STK3: variants seen among roughly 807,000 people sequenced by gnomAD.
The protein encoded by STK3 is serine/threonine-protein kinase 3.
Under a neutral mutation model 58.0 loss-of-function variants are expected in STK3, and 41 were observed. The observed-to-expected ratio is 0.71, with a 90% CI of 0.55 to 0.92. The LOEUF is 0.92. STK3 is among the 40% of genes least tolerant of loss of function. STK3 has a pLI of 0.00. For synonymous variants in STK3, 170 were observed against 191.0 expected, an observed-to-expected ratio of 0.89 and a Z score of 0.91; for missense variants, 479 against 602.7, an observed-to-expected ratio of 0.79 and a Z score of 2.15.
chr8:98,607,666 G>A (rs1218837059), intron 6 of STK3, among the ~76,000 whole-genome samples: 1 of 152,144 alleles, frequency 6.6e-6, no homozygotes, highest in African/African-American at 2.4e-5. Context: ...ATTGCATGTT[G>A]AACTACAGCT....
At chr8:98,578,962 C>T (rs1005382122) in intron 8 of STK3, among the ~76,000 whole-genome samples, 16 of 152,086 alleles carry the variant, frequency 1.1e-4, no homozygotes, top group African/African-American at 3.6e-4. Context: ...ACCAGCCTGG[C>T]CAAAATGGTG....
intron 6 of STK3, among the ~76,000 whole-genome samples, chr8:98,703,197 C>T (rs1010828292): frequency 6.6e-6 from 1 of 151,854 alleles, no homozygotes; most frequent in Non-Finnish European, 1.5e-5. Flanking sequence ...TTTTGTTAGC[C>T]GCTCCTCCAC....
intron 4 of STK3, among the ~76,000 whole-genome samples, chr8:98,728,825 G>C (rs542893570): frequency 6.6e-6 from 1 of 152,092 alleles, no homozygotes; most frequent in Non-Finnish European, 1.5e-5. Context: ...ATATCAAAAA[G>C]ATGTCTACTA....
chr8:98,501,969 G>A (rs952722672), intron 10 of STK3, among the ~76,000 whole-genome samples: 6 of 152,192 alleles, frequency 3.9e-5, no homozygotes, highest in Non-Finnish European at 5.9e-5. Flanking sequence ...GACGGCGATG[G>A]CATTGAATCT....
intron 10 of STK3, among the ~76,000 whole-genome samples, chr8:98,485,679 A>C (rs1000206903): frequency 6.6e-6 from 1 of 152,226 alleles, no homozygotes; most frequent in African/African-American, 2.4e-5. Flanking sequence ...CAATTGTACA[A>C]GTAAAGACAA....
In STK3 at chr8:98,558,543, A is replaced by T. The variant is rs530282069; in HGVS notation, c.949-10382T>A. ...AATTTATAGAAGTATACAAAAGTAA[A>T]TAATGAATATTCATATTAATTTATC... On this transcript the variant is annotated intron_variant, in intron 8 of 10. Transcript: ENST00000419617. Among the ~76,000 whole-genome samples, 12 of 152,290 alleles carry T rather than the reference A, an allele frequency of 7.9e-5. No homozygotes were observed. The South Asian group carries it at 2.5e-3, about 32-fold the overall frequency.
chr8:98,738,243 C>T (rs1012476785), intron 4 of STK3, among the ~76,000 whole-genome samples: 5 of 151,956 alleles, frequency 3.3e-5, no homozygotes, highest in South Asian at 2.1e-4. Context: ...TTTAGATGAC[C>T]GGGTGGATCA....
intron 3 of STK3, among the ~76,000 whole-genome samples, chr8:98,852,140 TC>T (rs1297531405): frequency 1.9e-4 from 28 of 149,510 alleles, no homozygotes; most frequent in African/African-American, 7.2e-4. Flanking sequence ...AAGCTAATTT[TC>T]TTTTTTTTTT....
chr8:98,817,470 T>C (rs868467247), intron 1 of STK3, among the ~76,000 whole-genome samples: 4 of 95,986 alleles, frequency 4.2e-5, no homozygotes, highest in African/African-American at 1.2e-4. Flanking sequence ...AAAAAAAAAA[T>C]AGAAATCAGT....
intron 2 of STK3, among the ~76,000 whole-genome samples, chr8:98,771,700 G>C (rs975930266): frequency 3.9e-5 from 6 of 152,096 alleles, no homozygotes; most frequent in African/African-American, 1.4e-4. Context: ...AAGTAGCTGG[G>C]ATTACAGGCA....
At chr8:98,543,650 T>C (rs1810464417) in intron 9 of STK3, among the ~76,000 whole-genome samples, 1 of 152,202 alleles carries the variant, frequency 6.6e-6, no homozygotes, top group African/African-American at 2.4e-5. Flanking sequence ...TTTCACTTTT[T>C]TTCTGTAAAG....
rs957101614 is a variant in STK3, at chr8:98,800,863, GC to G, written c.26+24651del. 2.6e-5 allele frequency among the ~76,000 whole-genome samples: 4 copies of G among 152,002 alleles called. No homozygotes were observed. In the East Asian group the frequency reaches 5.8e-4, roughly 22 times the overall value. The stretch of plus-strand genomic sequence containing the variant: ...AGGACCTGCAGCCCCCCATGCCAGA[GC>G]CCCCCCCACCAAGGTGGGCTCCCGT... On this transcript the variant is annotated intron_variant, in intron 1 of 10. Coordinates refer to ENST00000419617, the MANE Select transcript of STK3 (RefSeq NM_006281.4). This position sits in a 1 kb window ranked among gnomAD's most constrained non-coding sequence, Gnocchi z 4.8.
intron 6 of STK3, among the ~76,000 whole-genome samples, chr8:98,631,660 G>GTT (rs112982323): frequency 0.02 from 3,000 of 151,570 alleles, 287 homozygotes; most frequent in Admixed American, 0.15. Context: ...TATAGTTTTC[G>GTT]TTTTTTTGTG....
At chr8:98,591,235 T>G (rs1005933713) in intron 7 of STK3, among the ~76,000 whole-genome samples, 1 of 152,196 alleles carries the variant, frequency 6.6e-6, no homozygotes, top group East Asian at 1.9e-4. Flanking sequence ...TATGCGATCA[T>G]GAGGGTAATT....
chr8:98,566,810 T>C (rs1389814735), intron 8 of STK3, among the ~76,000 whole-genome samples: 1 of 152,010 alleles, frequency 6.6e-6, no homozygotes, highest in African/African-American at 2.4e-5. Context: ...CTTTCATCCA[T>C]GAAATAATCA....
intron 1 of STK3, among the ~76,000 whole-genome samples, chr8:98,815,587 G>A (rs1267803863): frequency 2.0e-5 from 3 of 152,298 alleles, no homozygotes; most frequent in South Asian, 2.1e-4. Context: ...AACCAAAGGT[G>A]AGACAATTTG....
intron 1 of STK3, chr8:98,906,460 C>A (rs899739895): frequency 2.0e-5 from 3 of 152,280 alleles, no homozygotes; most frequent in African/African-American, 4.8e-5. Context: ...GCCGCCAGTG[C>A]TTCCAGATCC....
chr8:98,428,189 C>A lies in STK3; in HGVS notation n.483+5938G>T. The A allele has an allele frequency of 6.2e-7, 1 of 1,614,174 alleles. No homozygotes were observed. Among genetic ancestry groups the A allele is most frequent in the Non-Finnish European group, 8.5e-7 (1 of 1,180,030 alleles). ...ACGACGACGTCCAGCGGGAGTTCTA[C>A]TTCGACCGCAACCCTGAGCTCTTCC... is the stretch of plus-strand genomic sequence containing the variant. On this transcript the variant is annotated intron_variant and non_coding_transcript_variant, in intron 3 of 3. Coordinates refer to the STK3 transcript ENST00000517832. The surrounding 1 kb of genome is among the most constrained non-coding windows in gnomAD (Gnocchi z 6.7).
At chr8:98,617,874 T>C (rs1205613428) in intron 6 of STK3, among the ~76,000 whole-genome samples, 2 of 152,166 alleles carry the variant, frequency 1.3e-5, no homozygotes, top group Non-Finnish European at 2.9e-5. Context: ...AGCCGAATTC[T>C]ACCAGAGGTA....
Sources: allele counts gnomAD v4.1 joint callset (sites outside exome capture counted in the v4.1 genomes callset), GRCh38; gene constraint gnomAD v4.1.1; non-coding constraint Gnocchi (gnomAD v3.1); transcripts MANE v1.5; gene names NCBI Gene and HGNC (gene_info 2026-07-23, HGNC 2026-07-21).